Variants in ABCG2 observed in about 807,000 individuals in gnomAD.
ABCG2 encodes the protein broad substrate specificity ATP-binding cassette transporter ABCG2.
A neutral mutation model predicts 73.5 loss-of-function variants in ABCG2; 80 were observed. The observed-to-expected ratio is 1.09, with a 90% CI of 0.91 to 1.31. ABCG2 has a LOEUF of 1.31. Ranked by LOEUF, ABCG2 falls within the 50% of genes most tolerant of loss-of-function variation. The pLI is 0.00. For synonymous variants in ABCG2, 269 were observed against 282.4 expected, an observed-to-expected ratio of 0.95 and a Z score of 0.48; for missense variants, 796 against 786.2, an observed-to-expected ratio of 1.01 and a Z score of -0.15.
chr4:88,115,244 C>CTCTG lies in ABCG2; in HGVS notation c.842-187_842-186insCAGA, dbSNP rs1163764120. Among the ~76,000 whole-genome samples, 29 of 78,348 alleles carry CTCTG rather than the reference C, an allele frequency of 3.7e-4. 2 individuals carry two copies. The highest frequency in any genetic ancestry group is 6.0e-4 in the Non-Finnish European group (24 of 39,856). The allele number at this position is 78,348 out of a possible 152,430, so 51.4% of individuals were successfully genotyped here. ...TTTTATATATTCAGTCTCTCTCTCT[C>CTCTG]TCTCTCTCTCTCTATATATATATAT... On this transcript the variant is annotated intron_variant, in intron 7 of 15. Transcript: ENST00000237612.
Position 88,121,653 on chromosome 4 carries a change from A to G in ABCG2, c.671T>C (p.Val224Ala). The G allele has an allele frequency of 6.2e-7, 1 of 1,613,788 alleles. No homozygotes were observed. Among genetic ancestry groups the G allele is most frequent in the South Asian group, 1.1e-5 (1 of 90,958 alleles). Residue 224 changes from valine (V) to alanine (A), a missense_variant, in exon 6 of 16, where the codon GTC (valine) becomes GCC (alanine). Coordinates refer to ENST00000237612, the MANE Select transcript of ABCG2 (RefSeq NM_004827.3). ...TGLDSSTANAVLLLLKRMSKQ... is the reference protein window; with the variant it reads ...TGLDSSTANAALLLLKRMSKQ... ...CATTTACCTTTTCAGGAGCAAAAGG[A>G]CAGCATTTGCTGTGCTTGAGTCTAA...
chr4:88,119,730 A>T (rs1007004638), intron 6 of ABCG2, among the ~76,000 whole-genome samples: 3 of 152,240 alleles, frequency 2.0e-5, no homozygotes, highest in Non-Finnish European at 2.9e-5. Flanking sequence ...GCAACAAAGC[A>T]TTCAAGAGGT....
chr4:88,212,995 G>A (rs1729662565), intron 1 of ABCG2, among the ~76,000 whole-genome samples: 1 of 152,020 alleles, frequency 6.6e-6, no homozygotes, highest in East Asian at 1.9e-4. Context: ...TTGAACTCTG[G>A]GGCCCAAATG....
chr4:88,122,218 CAAACACA>C (rs1724058114), intron 5 of ABCG2, among the ~76,000 whole-genome samples: 1 of 152,136 alleles, frequency 6.6e-6, no homozygotes, highest in Admixed American at 6.5e-5. Context: ...CCCTGGGTTT[CAAACACA>C]AAACTGGGTG....
chr4:88,138,682 C>T (rs1168591677), intron 2 of ABCG2, among the ~76,000 whole-genome samples: 1 of 152,148 alleles, frequency 6.6e-6, no homozygotes, highest in Non-Finnish European at 1.5e-5. Context: ...CTCATGGATA[C>T]TTAAACAGGA....
chr4:88,165,456 C>T (rs1727478151), intron 1 of ABCG2, among the ~76,000 whole-genome samples: 1 of 152,200 alleles, frequency 6.6e-6, no homozygotes, highest in Non-Finnish European at 1.5e-5. Context: ...AGCATAGCAG[C>T]CCTGTGACCC....
intron 1 of ABCG2, among the ~76,000 whole-genome samples, chr4:88,165,175 T>C (rs1727467010): frequency 6.6e-6 from 1 of 152,224 alleles, no homozygotes; most frequent in Non-Finnish European, 1.5e-5. Context: ...GGTATGGGTG[T>C]GAATGGCTGA....
intron 1 of ABCG2, among the ~76,000 whole-genome samples, chr4:88,155,951 G>A (rs1209595642): frequency 6.6e-6 from 1 of 152,068 alleles, no homozygotes; most frequent in Non-Finnish European, 1.5e-5. Context: ...CCAGATATTA[G>A]CTTCTAATAC....
chr4:88,202,366 A>ATATATATATATATATATATATATG (rs1456537532), intron 1 of ABCG2, among the ~76,000 whole-genome samples: 99 of 122,940 alleles, frequency 8.1e-4, no homozygotes, highest in African/African-American at 2.9e-3. Context: ...ATATATATAT[A>ATATATATATATATATATATATATG]TATATATATA....
chr4:88,132,702 G>T (rs557834312), intron 2 of ABCG2, 67 bp from the exon 3 acceptor site: 2 of 1,513,538 alleles, frequency 1.3e-6, no homozygotes, highest in Non-Finnish European at 1.8e-6. Context: ...TTTAGGGTAG[G>T]CACTGAATAT....
chr4:88,136,010 T>C (rs2110048531), intron 2 of ABCG2, among the ~76,000 whole-genome samples: 1 of 152,234 alleles, frequency 6.6e-6, no homozygotes, highest in African/African-American at 2.4e-5. Context: ...AACATGGAAA[T>C]ATAGACAGAA....
intron 8 of ABCG2, among the ~76,000 whole-genome samples, chr4:88,113,971 A>G (rs1486128326): frequency 6.6e-6 from 1 of 151,896 alleles, no homozygotes; most frequent in African/African-American, 2.4e-5. Context: ...CTCAAAAAAG[A>G]AAAAATAGAA....
In ABCG2 at chr4:88,131,878, T is replaced by A. The variant is rs769941208; in HGVS notation, c.303A>T (p.Gly101=). ...DVLAARKDPS[G]LSGDVLINGA... is the part of the protein sequence containing the mutation. ...CATTTATCAGAACATCTCCAGATAA[T>A]CCACTTGGATCTTTCCTTGCAGCTA... The change falls in exon 4 of 16, where the codon GGA becomes GGT. Residue 101 remains glycine (G), a synonymous_variant. Coordinates refer to ENST00000237612, the MANE Select transcript of ABCG2 (RefSeq NM_004827.3). 3.7e-5 allele frequency: 59 copies of A among 1,613,892 alleles called. No individual in the cohort carries two copies. The Admixed American group carries it at 9.7e-4, about 26-fold the overall frequency.
intron 9 of ABCG2, among the ~76,000 whole-genome samples, 178 bp from the exon 10 acceptor site, chr4:88,107,444 C>CT (rs1279581525): frequency 6.6e-6 from 1 of 152,218 alleles, no homozygotes; most frequent in Non-Finnish European, 1.5e-5. Context: ...ATTATTTAGA[C>CT]TGCTTCCTAA....
At chr4:88,130,061 C>T (rs1232360642) in intron 5 of ABCG2, among the ~76,000 whole-genome samples, 1 of 152,112 alleles carries the variant, frequency 6.6e-6, no homozygotes, top group Admixed American at 6.6e-5. Context: ...ACAGACACTA[C>T]ATAAATGAGA....
At chr4:88,159,953 C>A (rs1386760564), upstream of ABCG2, among the ~76,000 whole-genome samples, 1 of 152,066 alleles carries the variant, frequency 6.6e-6, no homozygotes, top group East Asian at 1.9e-4. Context: ...CATTTTAAGA[C>A]AAAATTAAGG....
chr4:88,155,499 T>G (rs556117023), intron 1 of ABCG2, among the ~76,000 whole-genome samples: 48 of 152,316 alleles, frequency 3.2e-4, no homozygotes, highest in African/African-American at 1.1e-3. Flanking sequence ...GATGTGTAAG[T>G]GTAGGTCACA....
upstream of ABCG2, among the ~76,000 whole-genome samples, chr4:88,161,169 AT>A (rs34048085): frequency 0.58 from 82,410 of 140,906 alleles, 25,871 homozygotes; most frequent in East Asian, 0.83. Context: ...TTTTTTTTTA[AT>A]TTTTTTTTTT....
At chr4:88,134,195 CA>C (rs1371915972) in intron 2 of ABCG2, among the ~76,000 whole-genome samples, 4 of 152,112 alleles carry the variant, frequency 2.6e-5, no homozygotes, top group African/African-American at 9.7e-5. Context: ...ATGATTAGCA[CA>C]GAGGCCAATC....
Sources: allele counts gnomAD v4.1 joint callset (sites outside exome capture counted in the v4.1 genomes callset), GRCh38; gene constraint gnomAD v4.1.1; transcripts MANE v1.5; gene names NCBI Gene and HGNC (gene_info 2026-07-23, HGNC 2026-07-21).